Variants in UNC5D observed in about 807,000 individuals in gnomAD.
UNC5D encodes the protein netrin receptor UNC5D.
A neutral mutation model predicts 105.4 loss-of-function variants in UNC5D; 39 were observed. The ratio of observed to expected loss-of-function variants is 0.37; its 90% CI spans 0.29 to 0.48. UNC5D has a LOEUF of 0.48. UNC5D is among the 20% of genes least tolerant of loss of function. The probability of loss-of-function intolerance (pLI) is 0.98; values close to 1 mark genes in which losing one functional copy is unlikely to be tolerated. For missense variants in UNC5D, 991 were observed against 1,202.4 expected, an observed-to-expected ratio of 0.82 and a Z score of 2.60; for synonymous variants, 452 against 450.4, an observed-to-expected ratio of 1.00 and a Z score of -0.04.
At chr8:35,344,837 G>C (rs1811689668) in intron 1 of UNC5D, among the ~76,000 whole-genome samples, 1 of 151,984 alleles carries the variant, frequency 6.6e-6, no homozygotes, top group South Asian at 2.1e-4. Context: ...ATTACTGATA[G>C]ATACAAAATT....
chr8:35,754,355 G>C (rs1239379311), intron 13 of UNC5D, among the ~76,000 whole-genome samples: 1 of 152,196 alleles, frequency 6.6e-6, no homozygotes, highest in Admixed American at 6.5e-5. Context: ...AAATCAATGT[G>C]AACATGGTTG....
intron 1 of UNC5D, among the ~76,000 whole-genome samples, chr8:35,505,021 TAA>T (rs942467322): frequency 4.6e-5 from 7 of 152,260 alleles, no homozygotes; most frequent in African/African-American, 1.7e-4. Context: ...TTGCAAACAC[TAA>T]AAGAGTATAC....
intron 11 of UNC5D, among the ~76,000 whole-genome samples, chr8:35,742,013 A>G (rs568416171): frequency 3.3e-5 from 5 of 152,344 alleles, no homozygotes; most frequent in South Asian, 2.1e-4. Flanking sequence ...ATGTTGCTCA[A>G]TGTCACTTTT....
At chr8:35,320,287 T>G (rs1276630205) in intron 1 of UNC5D, among the ~76,000 whole-genome samples, 3 of 152,114 alleles carry the variant, frequency 2.0e-5, no homozygotes, top group Admixed American at 6.6e-5. Context: ...TAAGTTATTA[T>G]CTTAAGACTC....
chr8:35,632,130 G>T (rs1318449633), intron 4 of UNC5D, among the ~76,000 whole-genome samples: 1 of 152,224 alleles, frequency 6.6e-6, no homozygotes, highest in African/African-American at 2.4e-5. Flanking sequence ...TTAAGACCAA[G>T]AAGAGGTGAA....
chr8:35,476,703 C>T (rs1042983853), intron 1 of UNC5D, among the ~76,000 whole-genome samples: 2 of 152,164 alleles, frequency 1.3e-5, no homozygotes, highest in African/African-American at 4.8e-5. Context: ...GATTAGTCTC[C>T]AGTGACATTT....
intron 1 of UNC5D, among the ~76,000 whole-genome samples, chr8:35,398,958 C>A (rs1366956056): frequency 6.6e-6 from 1 of 151,812 alleles, no homozygotes; most frequent in Non-Finnish European, 1.5e-5. Context: ...GAGTTCGAGA[C>A]CAGCCTGGGC....
intron 1 of UNC5D, among the ~76,000 whole-genome samples, chr8:35,523,255 T>C (rs1450066949): frequency 6.6e-6 from 1 of 151,964 alleles, no homozygotes; most frequent in Non-Finnish European, 1.5e-5. Context: ...GCTAACTTTT[T>C]ATTTTTTGTA....
At chr8:35,492,098 T>C (rs1037222096) in intron 1 of UNC5D, among the ~76,000 whole-genome samples, 6 of 146,514 alleles carry the variant, frequency 4.1e-5, no homozygotes, top group African/African-American at 1.5e-4. Context: ...CTTTTCTTCT[T>C]TTTTTTTTTT....
chr8:35,549,856 C>G (rs1815980266), intron 2 of UNC5D, among the ~76,000 whole-genome samples: 1 of 151,696 alleles, frequency 6.6e-6, no homozygotes, highest in African/African-American at 2.4e-5. Flanking sequence ...AATCTTGCAT[C>G]AAACCCCTTG....
At chr8:35,751,204 C>T (rs73576270) in intron 13 of UNC5D, among the ~76,000 whole-genome samples, 4,719 of 152,098 alleles carry the variant, frequency 0.031, 266 homozygotes, top group African/African-American at 0.11. Context: ...GTTCCTGGGT[C>T]GGGGCCACAA....
At chr8:35,425,339 G>A (rs1256703570) in intron 1 of UNC5D, among the ~76,000 whole-genome samples, 1 of 152,122 alleles carries the variant, frequency 6.6e-6, no homozygotes, top group Non-Finnish European at 1.5e-5. Flanking sequence ...GCAGAGATCT[G>A]GGAAGTTTCC....
At chr8:35,385,990 G>T (rs1803370528) in intron 1 of UNC5D, among the ~76,000 whole-genome samples, 1 of 152,020 alleles carries the variant, frequency 6.6e-6, no homozygotes, top group Non-Finnish European at 1.5e-5. Flanking sequence ...ATCTATAATT[G>T]ATTTCCCTTC....
Position 35,581,518 on chromosome 8 carries a change from G to A in UNC5D, c.466+13277G>A, listed in dbSNP as rs190615558. On this transcript the variant is annotated intron_variant, in intron 3 of 16. Coordinates refer to ENST00000404895, the MANE Select transcript of UNC5D (RefSeq NM_080872.4). ...TAATGGGTATAAAAATGTAGTTAAA[G>A]AATGAATAAGATTTAGTATTTGATA... 1.6e-4 allele frequency among the ~76,000 whole-genome samples: 25 copies of A among 152,264 alleles called. No individual in the cohort carries two copies. The East Asian group carries it at 4.4e-3, about 27-fold the overall frequency.
intron 1 of UNC5D, among the ~76,000 whole-genome samples, chr8:35,477,645 A>AT (rs1019684415): frequency 2.0e-5 from 3 of 151,952 alleles, no homozygotes; most frequent in East Asian, 3.9e-4. Flanking sequence ...GGAAAAAAAA[A>AT]TGTTTACAAA....
At chr8:35,523,937 T>A (rs1412701228) in intron 1 of UNC5D, among the ~76,000 whole-genome samples, 18 of 21,620 alleles carry the variant, frequency 8.3e-4, no homozygotes, top group African/African-American at 3.0e-3. Flanking sequence ...TGGGCTAAAG[T>A]CCAGAAATTC....
chr8:35,780,694 T>G (rs1802464848), intron 16 of UNC5D, among the ~76,000 whole-genome samples: 1 of 152,194 alleles, frequency 6.6e-6, no homozygotes, highest in African/African-American at 2.4e-5. Context: ...ATTTTCATTC[T>G]TGTGTTTGGG....
At position 35,750,707 on chromosome 8, in the gene UNC5D, C is replaced by T. The variant is rs754886431; in HGVS notation, c.2061C>T (p.Ala687=). ...CTGGAGAGCCAATCACAGACTGTGC[C>T]GTGAAGCAACTGAAGGTGGCGGTTT... is the stretch of plus-strand genomic sequence containing the variant. ...ALTGEPITDC[A]VKQLKVAVFG... is the part of the protein sequence containing the mutation. The change falls in exon 13 of 17, where the codon GCC becomes GCT. Residue 687 remains alanine, a synonymous_variant. Coordinates refer to ENST00000404895, the MANE Select transcript of UNC5D (RefSeq NM_080872.4). 3.1e-6 allele frequency: 5 copies of T among 1,613,964 alleles called. No homozygotes were observed. The South Asian group carries it at 3.3e-5, about 11-fold the overall frequency.
chr8:35,456,639 A>G (rs1808515782), intron 1 of UNC5D, among the ~76,000 whole-genome samples: 1 of 152,204 alleles, frequency 6.6e-6, no homozygotes, highest in Non-Finnish European at 1.5e-5. Context: ...TAAAAGTACA[A>G]ACGTATTAGG....
Sources: allele counts gnomAD v4.1 joint callset (sites outside exome capture counted in the v4.1 genomes callset), GRCh38; gene constraint gnomAD v4.1.1; transcripts MANE v1.5; gene names NCBI Gene and HGNC (gene_info 2026-07-23, HGNC 2026-07-21).